Variants in AGTPBP1 observed in about 807,000 individuals in gnomAD.
The protein encoded by AGTPBP1 is ATP/GTP binding carboxypeptidase 1.
Under a neutral mutation model 143.9 loss-of-function variants are expected in AGTPBP1, and 70 were observed. The observed-to-expected ratio is 0.49, with a 90% CI of 0.40 to 0.59. The LOEUF is 0.59. Among genes scored for constraint, AGTPBP1 ranks in the 20% least tolerant of loss-of-function variants. The probability of loss-of-function intolerance (pLI) is 0.00; values close to 1 mark genes in which losing one functional copy is unlikely to be tolerated. For missense variants in AGTPBP1, 1,229 were observed against 1,464.5 expected (o/e 0.84, Z 2.62); for synonymous variants, 463 against 500.2 (o/e 0.93, Z 0.99).
chr9:85,645,437 T>C (rs575010492), intron 12 of AGTPBP1, among the ~76,000 whole-genome samples: 1 of 152,276 alleles, frequency 6.6e-6, no homozygotes, highest in African/African-American at 2.4e-5. Flanking sequence ...AGGACATAGA[T>C]GTAGTTTAGA....
At chr9:85,775,504 CATATATATATCATATATATG>C in the AGTPBP1 span, among the ~76,000 whole-genome samples, 15 of 144,568 alleles carry the variant, frequency 1.0e-4, no homozygotes, top group African/African-American at 3.6e-4. Flanking sequence ...GACAGAATAG[CATATATATATCATATATATG>C]ATATATATAT....
intron 1 of AGTPBP1, among the ~76,000 whole-genome samples, chr9:85,724,808 A>G (rs184935584): frequency 3.6e-3 from 535 of 149,472 alleles, no homozygotes; most frequent in Middle Eastern, 6.8e-3. Context: ...ATGCCTCCCA[A>G]GTATCTAGAA....
At chr9:85,649,054 T>C (rs1035340053) in intron 11 of AGTPBP1, among the ~76,000 whole-genome samples, 21 of 152,322 alleles carry the variant, frequency 1.4e-4, no homozygotes, top group African/African-American at 4.8e-4. Flanking sequence ...CCATTCATTA[T>C]ACCAGTACCA....
At chr9:85,579,366 A>G (rs1409158486) in intron 23 of AGTPBP1, among the ~76,000 whole-genome samples, 1 of 152,238 alleles carries the variant, frequency 6.6e-6, no homozygotes, top group Admixed American at 6.5e-5. Flanking sequence ...ATCATTTGAG[A>G]AAACCATGTC....
chr9:85,634,475 C>T (rs1355205772), intron 13 of AGTPBP1, among the ~76,000 whole-genome samples: 1 of 152,014 alleles, frequency 6.6e-6, no homozygotes, highest in Non-Finnish European at 1.5e-5. Flanking sequence ...ATGAATGCCA[C>T]GATGAATGCC....
intron 23 of AGTPBP1, among the ~76,000 whole-genome samples, chr9:85,583,724 T>G (rs564911972): frequency 3.3e-5 from 5 of 152,252 alleles, no homozygotes; most frequent in Admixed American, 1.3e-4. Context: ...CATTCATCCA[T>G]CAACCCACCT....
At chr9:85,704,069 G>A (rs1836834444) in intron 2 of AGTPBP1, among the ~76,000 whole-genome samples, 2 of 152,150 alleles carry the variant, frequency 1.3e-5, no homozygotes, top group South Asian at 4.1e-4. Flanking sequence ...AGGTGGCCTT[G>A]GGCTTCTATA....
At chr9:85,681,418 T>C in intron 3 of AGTPBP1, 83 bp from the exon 4 acceptor site, 2 of 1,110,984 alleles carry the variant, frequency 1.8e-6, no homozygotes, top group Non-Finnish European at 2.6e-6. Flanking sequence ...TAATAAAGAT[T>C]CAACAAGTCT....
At chr9:85,776,976 T>C in the AGTPBP1 span, among the ~76,000 whole-genome samples, 2 of 152,150 alleles carry the variant, frequency 1.3e-5, no homozygotes, top group East Asian at 3.8e-4. Flanking sequence ...CTGGAGAACT[T>C]TGTCCCAGTC....
chr9:85,657,269 T>C (rs1415467492), intron 10 of AGTPBP1, among the ~76,000 whole-genome samples, 166 bp downstream of exon 10: 1 of 151,890 alleles, frequency 6.6e-6, no homozygotes, highest in Non-Finnish European at 1.5e-5. Context: ...CAACTCAGCC[T>C]GAGGTCACAT....
At chr9:85,612,439 G>C (rs1192307689) in intron 17 of AGTPBP1, among the ~76,000 whole-genome samples, 1 of 152,142 alleles carries the variant, frequency 6.6e-6, no homozygotes, top group African/African-American at 2.4e-5. Flanking sequence ...AACTCCATGG[G>C]GAAAAAAGCT....
intron 25 of AGTPBP1, among the ~76,000 whole-genome samples, chr9:85,552,814 C>T (rs1329909596): frequency 6.6e-6 from 1 of 152,156 alleles, no homozygotes; most frequent in African/African-American, 2.4e-5. Context: ...ACTCTTAACT[C>T]TTGAGAATAA....
intron 2 of AGTPBP1, among the ~76,000 whole-genome samples, chr9:85,699,224 T>A (rs973039674): frequency 2.0e-5 from 3 of 152,150 alleles, no homozygotes; most frequent in Non-Finnish European, 4.4e-5. Flanking sequence ...GCTCAAGCGA[T>A]CCTCCCACGT....
intron 23 of AGTPBP1, among the ~76,000 whole-genome samples, chr9:85,583,262 G>A (rs1174839658): frequency 1.3e-5 from 2 of 152,146 alleles, no homozygotes; most frequent in African/African-American, 4.8e-5. Context: ...GTTTTGCTAT[G>A]TTTGTTGTAG....
At chr9:85,738,695 G>C (rs1823992735) in intron 1 of AGTPBP1, among the ~76,000 whole-genome samples, 1 of 152,128 alleles carries the variant, frequency 6.6e-6, no homozygotes, top group Admixed American at 6.6e-5. Flanking sequence ...CTCTCCAGTA[G>C]CATCCCAGGG....
chr9:85,754,758 C>T, the AGTPBP1 span, among the ~76,000 whole-genome samples: 11 of 152,150 alleles, frequency 7.2e-5, no homozygotes, highest in South Asian at 6.2e-4. Context: ...TTCTTAGTGA[C>T]GTTTAATAGT....
At position 85,692,675 on chromosome 9, in the gene AGTPBP1, A is replaced by G. The variant is rs755892591; in HGVS notation, c.157+14T>C. The G allele has an allele frequency of 1.6e-5, 25 of 1,608,472 alleles. No individual in the cohort carries two copies. The highest frequency in any genetic ancestry group is 2.1e-5 in the Non-Finnish European group (25 of 1,178,580). ...AAAAAGCATTTCAAAAACAAAGAAG[A>G]GATCAATGTTTACCTTGACTCTGAG... On this transcript the variant is annotated intron_variant, in intron 3 of 25. Coordinates refer to ENST00000357081, the MANE Select transcript of AGTPBP1 (RefSeq NM_001330701.2).
intron 3 of AGTPBP1, among the ~76,000 whole-genome samples, chr9:85,686,448 T>C (rs1476620305): frequency 6.6e-6 from 1 of 152,132 alleles, no homozygotes; most frequent in Non-Finnish European, 1.5e-5. Context: ...CACCCTCTTA[T>C]AGCCCTATCT....
the AGTPBP1 span, among the ~76,000 whole-genome samples, chr9:85,778,419 G>A: frequency 1.3e-5 from 2 of 152,156 alleles, no homozygotes; most frequent in Non-Finnish European, 2.9e-5. Flanking sequence ...ACCTATGGGG[G>A]TCTGCGAGAG....
Sources: gnomAD v4.1 joint callset for allele counts (sites outside exome capture counted in the v4.1 genomes callset) on GRCh38, gnomAD v4.1.1 for gene constraint, MANE v1.5 for transcripts, NCBI Gene and HGNC (gene_info 2026-07-23, HGNC 2026-07-21) for gene names.